ANO6: variants seen among roughly 807,000 people sequenced by gnomAD.
The protein encoded by ANO6 is anoctamin-6.
ANO6 carries 106 observed loss-of-function variants against 117.5 expected under a neutral mutation model. That is an observed-to-expected ratio of 0.90 (90% CI 0.77 to 1.06). The LOEUF (loss-of-function observed/expected upper bound fraction) is 1.06. Ranked by LOEUF, ANO6 falls within the 50% of genes least tolerant of loss-of-function variation. ANO6 has a pLI of 0.00. For synonymous variants in ANO6, 367 were observed against 385.1 expected, an observed-to-expected ratio of 0.95 and a Z score of 0.55; for missense variants, 955 against 1,121.1, an observed-to-expected ratio of 0.85 and a Z score of 2.12.
chr12:45,310,588 T>C lies in ANO6; in HGVS notation c.150+8495T>C, dbSNP rs557645609. Among the ~76,000 whole-genome samples, 48 of 152,236 alleles carry C rather than the reference T, an allele frequency of 3.2e-4. No individual in the cohort carries two copies. The South Asian group carries it at 9.9e-3, about 32-fold the overall frequency. ...GCTTCTATATTACTTTTGTCTTTTCTGTTAGTGAAAGTGAACTTTAGATTG... is the reference window on the plus strand; with the variant it reads ...GCTTCTATATTACTTTTGTCTTTTCCGTTAGTGAAAGTGAACTTTAGATTG... On this transcript the variant is annotated intron_variant, in intron 2 of 19. Coordinates refer to ENST00000320560, the MANE Select transcript of ANO6 (RefSeq NM_001025356.3).
At chr12:45,331,210 C>A in intron 2 of ANO6, 85 bp from the exon 3 acceptor site, 3 of 1,235,352 alleles carry the variant, frequency 2.4e-6, no homozygotes, top group Non-Finnish European at 3.4e-6. Context: ...CACAATAAAC[C>A]TATTAAAGCT....
In ANO6 at chr12:45,286,095, A is replaced by G. The variant is rs962212895; in HGVS notation, c.71-15919A>G. ...GAACAAGAAAAAGGCTTCTACTGAT[A>G]GAGTTGCACTTGACTCCTTCCCTGT... On this transcript the variant is annotated intron_variant, in intron 1 of 19. Coordinates refer to ENST00000320560, the MANE Select transcript of ANO6 (RefSeq NM_001025356.3). Among the ~76,000 whole-genome samples the G allele has an allele frequency of 1.8e-4, 27 of 152,218 alleles. 1 individual carries two copies. The highest frequency in any genetic ancestry group is 2.0e-4 in the Admixed American group (3 of 15,286).
intron 1 of ANO6, among the ~76,000 whole-genome samples, chr12:45,259,845 A>G (rs779134106): frequency 2.0e-5 from 3 of 152,354 alleles, no homozygotes; most frequent in Admixed American, 6.5e-5. Flanking sequence ...AACCAAAGCA[A>G]TTCAGTGGCA....
chr12:45,340,324 T>G (rs1453719448), intron 3 of ANO6, among the ~76,000 whole-genome samples: 1 of 152,162 alleles, frequency 6.6e-6, no homozygotes, highest in Non-Finnish European at 1.5e-5. Context: ...AGTACCATTC[T>G]CCACCATCAG....
chr12:45,418,810 CTT>C (rs1407474496), intron 17 of ANO6, among the ~76,000 whole-genome samples: 1 of 152,210 alleles, frequency 6.6e-6, no homozygotes, highest in African/African-American at 2.4e-5. Context: ...TTTCTTATCA[CTT>C]AACCTAGGAA....
chr12:45,421,248 G>C lies in ANO6; in HGVS notation c.2395G>C (p.Asp799His), dbSNP rs767200666. Residue 799 changes from aspartate (D) to histidine (H), a missense_variant, in exon 18 of 20, where the codon GAC becomes CAC. Transcript: ENST00000320560. ...CAAAAGCAAGGGAAACCCGTACTCT[G>C]ACCTGGGTAACCATACCACATGCAG... Reference protein sequence around the residue: ...KNKSKGNPYSDLGNHTTCRYR... With the variant: ...KNKSKGNPYSHLGNHTTCRYR... The C allele has an allele frequency of 1.7e-5, 28 of 1,613,996 alleles. 1 individual carries two copies. In the South Asian group the frequency reaches 3.1e-4, roughly 18 times the overall value.
intron 1 of ANO6, among the ~76,000 whole-genome samples, chr12:45,266,730 GA>G (rs1938227413): frequency 6.6e-6 from 1 of 152,060 alleles, no homozygotes; most frequent in African/African-American, 2.4e-5. Context: ...CCAGGAAGTG[GA>G]GGTTGCCGTG....
At chr12:45,273,178 G>A (rs965970523) in intron 1 of ANO6, among the ~76,000 whole-genome samples, 2 of 152,170 alleles carry the variant, frequency 1.3e-5, no homozygotes, top group African/African-American at 4.8e-5. Flanking sequence ...AAAGGGTACA[G>A]AGTTTAAGTT....
intron 3 of ANO6, among the ~76,000 whole-genome samples, chr12:45,338,304 A>G (rs572600784): frequency 6.6e-6 from 1 of 152,172 alleles, no homozygotes; most frequent in Non-Finnish European, 1.5e-5. Flanking sequence ...ATAGACTAAA[A>G]ATTGGCTTAC....
rs976367325 is a variant in ANO6, at chr12:45,341,172, G to A, written c.280-5850G>A. Among the ~76,000 whole-genome samples, 3 of 152,038 alleles carry A rather than the reference G, an allele frequency of 2.0e-5. No individual in the cohort carries two copies. In the South Asian group the frequency reaches 6.2e-4, roughly 32 times the overall value. On this transcript the variant is annotated intron_variant, in intron 3 of 19. Coordinates refer to ENST00000320560, the MANE Select transcript of ANO6 (RefSeq NM_001025356.3). ...CTACCAATTATCCTGAGAGAAATCAGGTAAATATCTCAGGAGTTCTTTGTA... is the reference window on the plus strand; with the variant it reads ...CTACCAATTATCCTGAGAGAAATCAAGTAAATATCTCAGGAGTTCTTTGTA...
chr12:45,300,495 GT>G (rs1939447080), intron 1 of ANO6, among the ~76,000 whole-genome samples: 1 of 152,128 alleles, frequency 6.6e-6, no homozygotes, highest in African/African-American at 2.4e-5. Flanking sequence ...ATTTTTTATA[GT>G]TTTATACTTA....
At chr12:45,247,204 G>A (rs1441560781) in intron 1 of ANO6, among the ~76,000 whole-genome samples, 1 of 152,158 alleles carries the variant, frequency 6.6e-6, no homozygotes, top group African/African-American at 2.4e-5. Flanking sequence ...TGGAATTACA[G>A]GCGTGAGCCA....
chr12:45,348,513 T>C lies in ANO6; in HGVS notation c.634-5T>C, dbSNP rs759399922. The C allele has an allele frequency of 1.7e-5, 28 of 1,612,062 alleles. No homozygotes were observed. Among genetic ancestry groups the C allele is most frequent in the Non-Finnish European group, 2.2e-5 (26 of 1,178,214 alleles). ...ACCGCATACTCTATTTTGGAATCTT[T>C]TTAGGTTTACTTCATCCTCTCTCGG... On this transcript the variant is annotated splice_polypyrimidine_tract_variant and splice_region_variant and intron_variant, in intron 5 of 19. Coordinates refer to ENST00000320560, the MANE Select transcript of ANO6 (RefSeq NM_001025356.3).
At chr12:45,370,214 G>C (rs1338672932) in intron 9 of ANO6, among the ~76,000 whole-genome samples, 1 of 152,116 alleles carries the variant, frequency 6.6e-6, no homozygotes, top group Non-Finnish European at 1.5e-5. Flanking sequence ...CTTCCACATA[G>C]TCCATGGAAC....
chr12:45,279,770 A>G (rs537767589), intron 1 of ANO6, among the ~76,000 whole-genome samples: 18 of 152,348 alleles, frequency 1.2e-4, no homozygotes, highest in Admixed American at 3.9e-4. Context: ...TTACGCATAG[A>G]TTTATTTCCA....
chr12:45,331,369 T>C lies in ANO6; in HGVS notation c.225T>C (p.Tyr75=), dbSNP rs142459456. Residue 75 remains tyrosine (Y), a synonymous_variant, in exon 3 of 20, where the codon TAT becomes TAC. Coordinates refer to ENST00000320560, the MANE Select transcript of ANO6 (RefSeq NM_001025356.3). ...GAAGAATTGACTTTGTTCTAGTATA[T>C]GAGGATGAAAGCAGAAAAGAGACCA... is the stretch of plus-strand genomic sequence containing the variant. The part of the protein sequence containing the change: ...GQRRIDFVLV[Y]EDESRKETNK... 1.1e-5 allele frequency: 17 copies of C among 1,610,058 alleles called. No homozygotes were observed. The highest frequency in any genetic ancestry group is 1.4e-5 in the Non-Finnish European group (16 of 1,178,136).
At position 45,429,628 on chromosome 12, in the gene ANO6, T is replaced by G; in HGVS notation, c.*317T>G. On this transcript the variant is annotated 3_prime_UTR_variant, in exon 20 of 20. Transcript: ENST00000320560. ...TCTAAAGTAGAATGGATTCTTTTTTTTCTGTTTGATTATTTTCATTTCTGT... is the reference window on the plus strand; with the variant it reads ...TCTAAAGTAGAATGGATTCTTTTTTGTCTGTTTGATTATTTTCATTTCTGT... The G allele has an allele frequency of 8.6e-7, 1 of 1,168,446 alleles. No individual in the cohort carries two copies. The highest frequency in any genetic ancestry group is 1.1e-6 in the Non-Finnish European group (1 of 939,882). 72.4% of individuals were successfully genotyped at this position (1,168,446 alleles called of 1,614,324 possible). A position where few individuals can be genotyped will look rare whatever the true frequency, so the allele number is the denominator to read the frequency against.
At chr12:45,290,522 G>C (rs1939059790) in intron 1 of ANO6, among the ~76,000 whole-genome samples, 1 of 152,200 alleles carries the variant, frequency 6.6e-6, no homozygotes, top group Admixed American at 6.5e-5. Flanking sequence ...CCAGGATAAT[G>C]TTGAACTGAG....
chr12:45,341,354 C>T (rs1406343727), intron 3 of ANO6, among the ~76,000 whole-genome samples: 2 of 152,042 alleles, frequency 1.3e-5, no homozygotes, highest in Non-Finnish European at 2.9e-5. Context: ...TTCATAATAG[C>T]AAAAAGGTAG....
Sources: allele counts gnomAD v4.1 joint callset (sites outside exome capture counted in the v4.1 genomes callset), GRCh38; gene constraint gnomAD v4.1.1; transcripts MANE v1.5; gene names NCBI Gene and HGNC (gene_info 2026-07-23, HGNC 2026-07-21).